The following EPM2A variants were observed in gnomAD, a reference collection of about 807,000 sequenced individuals.
EPM2A encodes the protein EPM2A glucan phosphatase, laforin.
Under a neutral mutation model 26.5 loss-of-function variants are expected in EPM2A, and 21 were observed. The observed-to-expected ratio is 0.79, with a 90% CI of 0.56 to 1.14. The LOEUF is 1.14. Ranked by LOEUF, EPM2A falls within the 50% of genes most tolerant of loss-of-function variation. The pLI, the probability that EPM2A is intolerant of heterozygous loss-of-function variation, is 0.00. For missense variants in EPM2A, 458 were observed against 440.8 expected (o/e 1.04, Z -0.35); for synonymous variants, 217 against 177.6 (o/e 1.22, Z -1.76).
At chr6:145,555,114 T>G (rs1258214156) in intron 2 of EPM2A, among the ~76,000 whole-genome samples, 1 of 152,060 alleles carries the variant, frequency 6.6e-6, no homozygotes, top group South Asian at 2.1e-4. Flanking sequence ...CATCAGTAAA[T>G]GGGAATAATA....
intron 2 of EPM2A, among the ~76,000 whole-genome samples, chr6:145,608,642 C>T (rs1775321398): frequency 6.6e-6 from 1 of 152,026 alleles, no homozygotes; most frequent in South Asian, 2.1e-4. Flanking sequence ...TTTTAAACAA[C>T]AGACATGCAA....
intron 2 of EPM2A, among the ~76,000 whole-genome samples, chr6:145,530,715 C>T (rs1168841329): frequency 6.6e-6 from 1 of 152,202 alleles, no homozygotes. Context: ...AAGGAGTTTA[C>T]AATCCACCTG....
chr6:145,615,442 T>C (rs117947620), intron 2 of EPM2A, among the ~76,000 whole-genome samples: 2,578 of 152,230 alleles, frequency 0.017, 24 homozygotes, highest in Admixed American at 0.024. Flanking sequence ...CGGGTATGTC[T>C]TTATTAACAG....
At chr6:145,545,762 T>C (rs1050998115) in intron 2 of EPM2A, among the ~76,000 whole-genome samples, 1 of 152,166 alleles carries the variant, frequency 6.6e-6, no homozygotes, top group Non-Finnish European at 1.5e-5. Flanking sequence ...ATCTTTCTCC[T>C]CTACTTCCCA....
intron 2 of EPM2A, chr6:145,638,265 A>G (rs1776843464): frequency 6.6e-6 from 1 of 152,232 alleles, no homozygotes; most frequent in Non-Finnish European, 1.5e-5. Context: ...AAGCTCAAGA[A>G]TAGTTCATAG....
At chr6:145,444,041 A>T (rs548421991) in intron 4 of EPM2A, among the ~76,000 whole-genome samples, 1 of 152,276 alleles carries the variant, frequency 6.6e-6, no homozygotes, top group African/African-American at 2.4e-5. Context: ...GCAGCGTAAA[A>T]ATGGACTAAT....
At chr6:145,661,185 A>G (rs1778681255) in intron 2 of EPM2A, among the ~76,000 whole-genome samples, 1 of 152,214 alleles carries the variant, frequency 6.6e-6, no homozygotes. Context: ...GATGAGGCAC[A>G]TTCCTATGTA....
intron 4 of EPM2A, among the ~76,000 whole-genome samples, chr6:145,438,525 G>A (rs1779018937): frequency 7.0e-6 from 1 of 143,266 alleles, no homozygotes; most frequent in Admixed American, 7.4e-5. Flanking sequence ...CCAGGCTGGA[G>A]TGCAGTGTCA....
chr6:145,726,205 G>C (rs1361508094), intron 1 of EPM2A, among the ~76,000 whole-genome samples: 1 of 151,934 alleles, frequency 6.6e-6, no homozygotes, highest in Non-Finnish European at 1.5e-5. Context: ...CAAAAGAGAA[G>C]TCACTGAAAG....
chr6:145,496,451 T>C (rs796727234), intron 4 of EPM2A, among the ~76,000 whole-genome samples: 9 of 152,322 alleles, frequency 5.9e-5, no homozygotes, highest in African/African-American at 2.2e-4. Flanking sequence ...GCTCCATCTC[T>C]TTCAGGTACA....
Position 145,482,590 on chromosome 6 carries a change from G to A in EPM2A, c.555+19932C>T, listed in dbSNP as rs567445837. Among the ~76,000 whole-genome samples the A allele has an allele frequency of 5.4e-4, 82 of 152,186 alleles. No homozygotes were observed. In the South Asian group the frequency reaches 7.0e-3, roughly 13 times the overall value. On this transcript the variant is annotated intron_variant, in intron 4 of 4. Coordinates refer to the EPM2A transcript ENST00000638717. Reference sequence around the variant, plus strand: ...TATGTAATCTTTATTTGGACAAAATGAGGACTGGGCCATTAGTAAGCATAA... The same window carrying A: ...TATGTAATCTTTATTTGGACAAAATAAGGACTGGGCCATTAGTAAGCATAA...
intron 4 of EPM2A, among the ~76,000 whole-genome samples, chr6:145,479,756 C>A (rs1181506827): frequency 2.6e-5 from 4 of 151,908 alleles, no homozygotes. Context: ...GTTTTCAATT[C>A]TTCTGGGTAC....
intron 2 of EPM2A, among the ~76,000 whole-genome samples, chr6:145,530,475 G>C (rs1385415328): frequency 6.6e-6 from 1 of 151,948 alleles, no homozygotes; most frequent in Non-Finnish European, 1.5e-5. Flanking sequence ...AATGTAGCAA[G>C]GGAAAGCTTG....
At chr6:145,536,264 T>G (rs561903163) in intron 2 of EPM2A, among the ~76,000 whole-genome samples, 2 of 148,274 alleles carry the variant, frequency 1.3e-5, no homozygotes, top group African/African-American at 2.5e-5. Flanking sequence ...TTTTTGTTTT[T>G]GTTTTTGTTT....
chr6:145,586,966 A>AT (rs1191842761), intron 2 of EPM2A, among the ~76,000 whole-genome samples: 3 of 152,266 alleles, frequency 2.0e-5, no homozygotes, highest in Non-Finnish European at 4.4e-5. Flanking sequence ...CAAATCTACT[A>AT]ATTGCCAAAT....
intron 2 of EPM2A, among the ~76,000 whole-genome samples, chr6:145,570,396 C>G (rs1780938952): frequency 6.6e-6 from 1 of 152,160 alleles, no homozygotes; most frequent in African/African-American, 2.4e-5. Flanking sequence ...AATCCCCAAC[C>G]CAAAGCTATT....
intron 2 of EPM2A, among the ~76,000 whole-genome samples, chr6:145,598,644 C>A (rs1450778737): frequency 6.6e-6 from 1 of 152,112 alleles, no homozygotes; most frequent in African/African-American, 2.4e-5. Context: ...GCCTTTCTTG[C>A]AATAGCTTTT....
chr6:145,460,626 G>A lies in EPM2A; in HGVS notation c.555+41896C>T, dbSNP rs371379326. Among the ~76,000 whole-genome samples the A allele has an allele frequency of 2.6e-5, 4 of 152,144 alleles. No individual in the cohort carries two copies. The South Asian group carries it at 8.3e-4, about 32-fold the overall frequency. On this transcript the variant is annotated intron_variant, in intron 4 of 4. Transcript: ENST00000638717. ...CCTTACTTCCTTCCTTCCTGTACGAGAGGGAAGATGCAGAATGGGGAATGA... is the reference window on the plus strand; with the variant it reads ...CCTTACTTCCTTCCTTCCTGTACGAAAGGGAAGATGCAGAATGGGGAATGA...
intron 4 of EPM2A, among the ~76,000 whole-genome samples, chr6:145,482,733 C>G (rs1779625364): frequency 6.6e-6 from 1 of 152,026 alleles, no homozygotes; most frequent in Non-Finnish European, 1.5e-5. Context: ...CAACGAGAAC[C>G]CATTTTGCTT....
Sources: gnomAD v4.1 joint callset for allele counts (sites outside exome capture counted in the v4.1 genomes callset) on GRCh38, gnomAD v4.1.1 for gene constraint, MANE v1.5 for transcripts, NCBI Gene and HGNC (gene_info 2026-07-23, HGNC 2026-07-21) for gene names.